DIAPH3: variants seen among roughly 807,000 people sequenced by gnomAD.
DIAPH3 encodes protein diaphanous homolog 3.
Under a neutral mutation model 144.3 loss-of-function variants are expected in DIAPH3, and 117 were observed. That is an observed-to-expected ratio of 0.81 (90% CI 0.70 to 0.95). The LOEUF (loss-of-function observed/expected upper bound fraction) is 0.95. Among genes scored for constraint, DIAPH3 ranks in the 40% least tolerant of loss-of-function variants. DIAPH3 has a pLI of 0.00. For synonymous variants in DIAPH3, 519 were observed against 488.9 expected (o/e 1.06, Z -0.81); for missense variants, 1,421 against 1,412.7 (o/e 1.01, Z -0.09).
At chr13:59,893,475 TCA>T (rs990631252) in intron 20 of DIAPH3, among the ~76,000 whole-genome samples, 3 of 152,120 alleles carry the variant, frequency 2.0e-5, no homozygotes, top group Non-Finnish European at 4.4e-5. Flanking sequence ...GGTCAGTTAG[TCA>T]CAGAGTAAAA....
chr13:59,907,819 T>G (rs936418388), intron 20 of DIAPH3, among the ~76,000 whole-genome samples: 1 of 152,180 alleles, frequency 6.6e-6, no homozygotes, highest in African/African-American at 2.4e-5. Context: ...ACATATACAT[T>G]TATGACTTAA....
At chr13:59,802,345 A>G (rs1311008510) in intron 25 of DIAPH3, among the ~76,000 whole-genome samples, 2 of 152,020 alleles carry the variant, frequency 1.3e-5, no homozygotes, top group South Asian at 2.1e-4. Context: ...AAATCACACA[A>G]TTCTCTGTAG....
At position 59,810,835 on chromosome 13, in the gene DIAPH3, C is replaced by T. The variant is rs758425046; in HGVS notation, c.3116G>A (p.Arg1039Lys). The T allele has an allele frequency of 8.7e-6, 14 of 1,613,532 alleles. No individual in the cohort carries two copies. The highest frequency in any genetic ancestry group is 1.1e-5 in the Non-Finnish European group (13 of 1,179,924). Residue 1039 changes from arginine to lysine, a missense_variant, in exon 25 of 28, where the codon AGA (arginine) becomes AAA (lysine). By Grantham distance (26) the Arg-to-Lys change is conservative (BLOSUM62 2). Coordinates refer to ENST00000400324, the MANE Select transcript of DIAPH3 (RefSeq NM_001042517.2). ...RIAKELAERERLERQQKKKRL... is the reference protein window; with the variant it reads ...RIAKELAEREKLERQQKKKRL... ...CTTTTTCTTTTGTTGGCGTTCGAGT[C>T]TTTCTCGCTCTGCTAATTCTTTAGC...
rs2032015907 is a variant in DIAPH3 at position 59,666,485 on chromosome 13, A to G, written c.*99T>C. 1 of 1,342,196 alleles carries G rather than the reference A, an allele frequency of 7.5e-7. No individual in the cohort carries two copies. Among genetic ancestry groups the G allele is most frequent in the Non-Finnish European group, 1.0e-6 (1 of 975,984 alleles). 83.1% of individuals were successfully genotyped at this position (1,342,196 alleles called of 1,614,324 possible). On this transcript the variant is annotated 3_prime_UTR_variant, in exon 28 of 28. Coordinates refer to ENST00000400324, the MANE Select transcript of DIAPH3 (RefSeq NM_001042517.2). ...CTAATATATATCATAATTTAAAACT[A>G]TATAAAGTCACTTACATAAAAGCAA...
chr13:59,801,462 T>C (rs1001758612), intron 25 of DIAPH3, among the ~76,000 whole-genome samples: 2 of 152,228 alleles, frequency 1.3e-5, no homozygotes, highest in Non-Finnish European at 2.9e-5. Context: ...AGTTCCTGCC[T>C]GAATAGCACT....
In DIAPH3 at chr13:60,000,891, T is replaced by A. The variant is rs189935310; in HGVS notation, c.1014+7653A>T. ...AATGAGGGTTTCATTCCATTCAATCTACATCCAAGATAAAACCAATGTATA... is the reference window on the plus strand; with the variant it reads ...AATGAGGGTTTCATTCCATTCAATCAACATCCAAGATAAAACCAATGTATA... On this transcript the variant is annotated intron_variant, in intron 9 of 27. Coordinates refer to ENST00000400324, the MANE Select transcript of DIAPH3 (RefSeq NM_001042517.2). Among the ~76,000 whole-genome samples, 120 of 152,276 alleles carry A rather than the reference T, an allele frequency of 7.9e-4. 1 individual carries two copies. Among genetic ancestry groups the A allele is most frequent in the Middle Eastern group, 6.8e-3 (2 of 294 alleles).
chr13:59,764,852 G>C (rs1383857629), intron 27 of DIAPH3, among the ~76,000 whole-genome samples: 1 of 152,078 alleles, frequency 6.6e-6, no homozygotes, highest in Non-Finnish European at 1.5e-5. Context: ...AGAATTGTGA[G>C]AGAATAAATT....
At chr13:59,764,200 G>A (rs1466060393) in intron 27 of DIAPH3, among the ~76,000 whole-genome samples, 3 of 151,908 alleles carry the variant, frequency 2.0e-5, no homozygotes, top group Admixed American at 1.3e-4. Context: ...AGATTCTTGA[G>A]CGCAATTGTT....
chr13:59,899,126 T>A (rs546341241), intron 20 of DIAPH3, among the ~76,000 whole-genome samples: 3 of 152,266 alleles, frequency 2.0e-5, no homozygotes, highest in South Asian at 4.1e-4. Context: ...CAGGCTTCGG[T>A]CACAGACTAA....
intron 17 of DIAPH3, among the ~76,000 whole-genome samples, chr13:59,968,827 A>G (rs2050197615): frequency 6.6e-6 from 1 of 152,186 alleles, no homozygotes. Context: ...TGCTGTGCTC[A>G]AGTTAAACAG....
At chr13:59,782,174 G>T (rs2038774809) in intron 25 of DIAPH3, among the ~76,000 whole-genome samples, 1 of 151,920 alleles carries the variant, frequency 6.6e-6, no homozygotes, top group South Asian at 2.1e-4. Context: ...GAAAAATAAA[G>T]AAAACAAAGT....
At chr13:59,891,855 C>T (rs1455311687) in intron 20 of DIAPH3, among the ~76,000 whole-genome samples, 4 of 151,964 alleles carry the variant, frequency 2.6e-5, no homozygotes. Flanking sequence ...GTAAACAGGT[C>T]AAAAAGTTGC....
At chr13:60,149,363 G>C (rs1274269122) in intron 1 of DIAPH3, among the ~76,000 whole-genome samples, 1 of 152,180 alleles carries the variant, frequency 6.6e-6, no homozygotes, top group Non-Finnish European at 1.5e-5. Flanking sequence ...TAAGAGTCAG[G>C]AGTAATCATT....
chr13:59,943,537 T>C (rs2048648209), intron 17 of DIAPH3, among the ~76,000 whole-genome samples: 1 of 152,168 alleles, frequency 6.6e-6, no homozygotes, highest in Admixed American at 6.6e-5. Flanking sequence ...CGTTCATTCA[T>C]TCACTCACTC....
chr13:59,681,603 GT>G (rs34362880), intron 27 of DIAPH3, among the ~76,000 whole-genome samples: 103 of 148,612 alleles, frequency 6.9e-4, no homozygotes, highest in East Asian at 2.6e-3. Flanking sequence ...TGTTTTAAGT[GT>G]TTTTTTTTTC....
At chr13:59,902,918 G>A (rs1237787068) in intron 20 of DIAPH3, among the ~76,000 whole-genome samples, 1 of 152,200 alleles carries the variant, frequency 6.6e-6, no homozygotes, top group Non-Finnish European at 1.5e-5. Context: ...TTCTCACTGT[G>A]TAATGAAAGA....
At chr13:59,870,683 A>ATTTTT (rs2044207021) in intron 21 of DIAPH3, among the ~76,000 whole-genome samples, 1 of 139,398 alleles carries the variant, frequency 7.2e-6, no homozygotes. Flanking sequence ...TTTTTTTTTA[A>ATTTTT]ATTTGAGATG....
intron 27 of DIAPH3, among the ~76,000 whole-genome samples, chr13:59,710,107 AAG>A (rs781116690): frequency 4.6e-5 from 7 of 151,908 alleles, no homozygotes; most frequent in Non-Finnish European, 1.0e-4. Flanking sequence ...GGGTGGGGGT[AAG>A]GGGGAGGGAT....
rs556098988 is a variant in DIAPH3 at position 59,777,085 on chromosome 13, A to G, written c.3164-2262T>C. 8.9e-4 allele frequency among the ~76,000 whole-genome samples: 136 copies of G among 152,296 alleles called. 2 individuals are homozygous for G. Among genetic ancestry groups the G allele is most frequent in the South Asian group, 7.3e-3 (35 of 4,826 alleles). ...CCTCAGATCTTGGTTTCTACATACC[A>G]TTACTCCCTAAAAGGAATGACAATG... On this transcript the variant is annotated intron_variant, in intron 25 of 27. Coordinates refer to ENST00000400324, the MANE Select transcript of DIAPH3 (RefSeq NM_001042517.2).
Sources: gnomAD v4.1 joint callset for allele counts (sites outside exome capture counted in the v4.1 genomes callset) on GRCh38, gnomAD v4.1.1 for gene constraint, MANE v1.5 for transcripts, NCBI Gene and HGNC (gene_info 2026-07-23, HGNC 2026-07-21) for gene names.